The following DAB1 variants were observed in gnomAD, a reference collection of about 807,000 sequenced individuals.
DAB1 encodes the protein DAB adaptor protein 1.
A neutral mutation model predicts 64.6 loss-of-function variants in DAB1; 15 were observed. The observed-to-expected ratio is 0.23, with a 90% CI of 0.16 to 0.36. The LOEUF (loss-of-function observed/expected upper bound fraction) is 0.36. DAB1 is among the 10% of genes least tolerant of loss of function. The pLI is 1.00. For missense variants in DAB1, 596 were observed against 706.7 expected (o/e 0.84, Z 1.78); for synonymous variants, 235 against 251.9 (o/e 0.93, Z 0.64).
In DAB1 at chr1:57,749,592, G is replaced by C. The variant is rs574725136; in HGVS notation, n.552-99927C>G. ...GGCATGTGCTTTCCAGTTGTCCACA[G>C]TCCTCTCCACTCCCTGTAGTGTTAC... On this transcript the variant is annotated intron_variant and non_coding_transcript_variant, in intron 6 of 20. Transcript: ENST00000485760. Among the ~76,000 whole-genome samples the C allele has an allele frequency of 1.9e-4, 29 of 152,288 alleles. 1 individual carries two copies. In the South Asian group the frequency reaches 4.1e-3, roughly 22 times the overall value.
At chr1:57,846,483 C>T (rs1478192463) in intron 1 of DAB1, among the ~76,000 whole-genome samples, 1 of 151,004 alleles carries the variant, frequency 6.6e-6, no homozygotes, top group Non-Finnish European at 1.5e-5. Flanking sequence ...AAAATCAATG[C>T]TTCCTCTCCT....
chr1:57,342,535 T>A (rs2100832408), intron 1 of DAB1, among the ~76,000 whole-genome samples: 1 of 152,300 alleles, frequency 6.6e-6, no homozygotes, highest in East Asian at 1.9e-4. Flanking sequence ...AAGACAGGAA[T>A]ATTATTTGCA....
chr1:57,845,193 G>A (rs1205460264), intron 1 of DAB1, among the ~76,000 whole-genome samples: 2 of 152,166 alleles, frequency 1.3e-5, no homozygotes, highest in South Asian at 2.1e-4. Flanking sequence ...GAGGCTGTGC[G>A]AGGGAGGAAG....
intron 4 of DAB1, among the ~76,000 whole-genome samples, chr1:58,269,276 G>C (rs1286440786): frequency 6.6e-6 from 1 of 150,930 alleles, no homozygotes; most frequent in Non-Finnish European, 1.5e-5. Context: ...TTGGTTTTTT[G>C]TTCTTGTGAT....
At chr1:57,673,813 A>G (rs1187272485) in intron 6 of DAB1, among the ~76,000 whole-genome samples, 2 of 152,284 alleles carry the variant, frequency 1.3e-5, no homozygotes, top group Middle Eastern at 3.4e-3. Context: ...CTAGTCATAG[A>G]CTAATTAGTC....
intron 4 of DAB1, among the ~76,000 whole-genome samples, chr1:58,203,279 A>T (rs1056162752): frequency 1.3e-5 from 2 of 152,206 alleles, no homozygotes; most frequent in African/African-American, 4.8e-5. Context: ...CAAACATTTT[A>T]TCTGTTTTGG....
At chr1:58,391,714 C>T (rs181873788) in intron 3 of DAB1, among the ~76,000 whole-genome samples, 128 of 152,296 alleles carry the variant, frequency 8.4e-4, no homozygotes, top group Non-Finnish European at 2.6e-4. Context: ...ATCAAGACCA[C>T]GTGACCCAAA....
At chr1:57,713,601 A>G (rs1647050867) in intron 6 of DAB1, among the ~76,000 whole-genome samples, 1 of 152,210 alleles carries the variant, frequency 6.6e-6, no homozygotes, top group African/African-American at 2.4e-5. Context: ...TAGAGAAACT[A>G]TTCAGATCCA....
In DAB1 at chr1:57,015,103, C is replaced by A. The variant is rs866588545; in HGVS notation, c.1224G>T (p.Gln408His). The change falls in exon 12 of 15, where the codon CAG (glutamine) becomes CAT (histidine). Residue 408 changes from glutamine (Q) to histidine (H), a missense_variant. By Grantham distance (24) the Gln-to-His change is conservative. This residue lies in a region of DAB1 where 377 missense variants were observed against 400.4 expected (regional missense o/e 0.94). Coordinates refer to ENST00000371236, the MANE Select transcript of DAB1 (RefSeq NM_001365792.1). ...RSSPQTDKPR[Q>H]KMGKETFKDF... ...CCTTAAACGTTTCTTTGCCCATTTT[C>A]TGCCTGGGCTTGTCGGTCTGTGGAC... The A allele has an allele frequency of 1.2e-6, 2 of 1,614,214 alleles. No homozygotes were observed. The highest frequency in any genetic ancestry group is 8.5e-7 in the Non-Finnish European group (1 of 1,180,042).
intron 5 of DAB1, among the ~76,000 whole-genome samples, chr1:58,052,259 A>G (rs1279026208): frequency 1.3e-5 from 2 of 152,224 alleles, no homozygotes; most frequent in African/African-American, 4.8e-5. Context: ...AGCTTTCTAC[A>G]TGTGGCTAGC....
At chr1:58,249,924 C>A (rs1660726650) in intron 4 of DAB1, among the ~76,000 whole-genome samples, 1 of 152,204 alleles carries the variant, frequency 6.6e-6, no homozygotes, top group South Asian at 2.1e-4. Flanking sequence ...GCCGCCTTCC[C>A]GCTCTTCGCG....
At chr1:58,282,559 CTAAATCATTTGAAA>C (rs1290480961) in intron 4 of DAB1, among the ~76,000 whole-genome samples, 2 of 150,446 alleles carry the variant, frequency 1.3e-5, no homozygotes, top group Non-Finnish European at 2.9e-5. Context: ...ATCCAACTAG[CTAAATCATTTGAAA>C]TATTTATAAG....
intron 7 of DAB1, among the ~76,000 whole-genome samples, chr1:57,517,989 C>T (rs951225483): frequency 2.0e-5 from 3 of 152,192 alleles, no homozygotes; most frequent in Admixed American, 2.0e-4. Flanking sequence ...CCACCAGTGA[C>T]ACGTTGCTCA....
intron 5 of DAB1, among the ~76,000 whole-genome samples, chr1:58,115,605 T>C (rs1198493095): frequency 6.2e-5 from 1 of 16,156 alleles, no homozygotes; most frequent in Non-Finnish European, 1.1e-4. Flanking sequence ...CCAACAATGA[T>C]AGACTGGATT....
intron 7 of DAB1, among the ~76,000 whole-genome samples, chr1:57,639,303 T>TTTATAAAGTTCTTTATAAAAAG (rs1646098808): frequency 6.9e-6 from 1 of 145,946 alleles, no homozygotes; most frequent in African/African-American, 2.8e-5. Flanking sequence ...CTTTAGTAAA[T>TTTATAAAGTTCTTTATAAAAAG]AACTTTATAA....
intron 3 of DAB1, among the ~76,000 whole-genome samples, chr1:58,397,134 G>A (rs140656862): frequency 0.014 from 2,165 of 152,126 alleles, 25 homozygotes; most frequent in Admixed American, 0.023. Flanking sequence ...AGGGAGAGAG[G>A]GAGGGAGAGA....
chr1:58,249,935 G>A (rs1266031001), intron 4 of DAB1, among the ~76,000 whole-genome samples: 1 of 152,220 alleles, frequency 6.6e-6, no homozygotes, highest in Non-Finnish European at 1.5e-5. Context: ...GCTCTTCGCG[G>A]TGAGACGCGC....
chr1:58,038,943 G>A (rs1461872121), intron 5 of DAB1, among the ~76,000 whole-genome samples: 2 of 152,040 alleles, frequency 1.3e-5, no homozygotes, highest in African/African-American at 2.4e-5. Flanking sequence ...ATGTACGTTC[G>A]GGTCTTAATT....
At chr1:58,228,956 G>A in intron 4 of DAB1, 1 of 459,710 alleles carries the variant, frequency 2.2e-6, no homozygotes, top group Non-Finnish European at 4.3e-6. Context: ...TGAGGATGCT[G>A]TCCTGTCACA....
Sources: gnomAD v4.1 joint callset for allele counts (sites outside exome capture counted in the v4.1 genomes callset) on GRCh38, gnomAD v4.1.1 for gene constraint, gnomAD v4.1.1 regional missense constraint, MANE v1.5 for transcripts, NCBI Gene and HGNC (gene_info 2026-07-23, HGNC 2026-07-21) for gene names.